Variants in NAALADL2 observed in about 807,000 individuals in gnomAD.
The protein encoded by NAALADL2 is N-acetylated alpha-linked acidic dipeptidase like 2, also known as inactive N-acetylated-alpha-linked acidic dipeptidase-like protein 2.
A neutral mutation model predicts 87.2 loss-of-function variants in NAALADL2; 76 were observed. That is an observed-to-expected ratio of 0.87 (90% CI 0.72 to 1.05). NAALADL2 has a LOEUF of 1.05. Ranked by LOEUF, NAALADL2 falls within the 50% of genes least tolerant of loss-of-function variation. The probability of loss-of-function intolerance (pLI) is 0.00; values close to 1 mark genes in which losing one functional copy is unlikely to be tolerated. For synonymous variants in NAALADL2, 354 were observed against 331.0 expected (o/e 1.07, Z -0.75); for missense variants, 1,089 against 945.8 (o/e 1.15, Z -1.99).
intron 1 of NAALADL2, among the ~76,000 whole-genome samples, chr3:174,869,227 C>A (rs1293935305): frequency 6.6e-6 from 1 of 152,078 alleles, no homozygotes; most frequent in Non-Finnish European, 1.5e-5. Context: ...TAGAGTATAA[C>A]TTTAAGAAGC....
At chr3:175,099,252 C>T (rs1290872660) in intron 2 of NAALADL2, among the ~76,000 whole-genome samples, 1 of 151,948 alleles carries the variant, frequency 6.6e-6, no homozygotes, top group Non-Finnish European at 1.5e-5. Context: ...AGAATGGAAG[C>T]TGCATGATGG....
At chr3:174,540,150 C>T (rs190216446) in intron 1 of NAALADL2, among the ~76,000 whole-genome samples, 1 of 151,958 alleles carries the variant, frequency 6.6e-6, no homozygotes, top group African/African-American at 2.4e-5. Context: ...AAGTGTTGAA[C>T]CAAAAGTTCA....
intron 1 of NAALADL2, among the ~76,000 whole-genome samples, chr3:174,485,418 A>T (rs541078080): frequency 7.4e-5 from 11 of 149,356 alleles, no homozygotes; most frequent in African/African-American, 2.0e-4. Flanking sequence ...AGTACCCATT[A>T]TTTTTTTTTT....
chr3:175,258,339 A>AAG (rs1553840033), intron 4 of NAALADL2, among the ~76,000 whole-genome samples: 2 of 151,218 alleles, frequency 1.3e-5, no homozygotes, highest in Non-Finnish European at 3.0e-5. Context: ...AAAAAAAAAA[A>AAG]AAAAGAAAGA....
rs150302762 is a variant in NAALADL2 at position 174,870,528 on chromosome 3, A to T, written c.43+11078A>T. On this transcript the variant is annotated intron_variant, in intron 1 of 13. Transcript: ENST00000454872. ...GGAAATATTTGAAGACATTTGGATAATCCGTGATTGACATTAGGGTTTGTG... is the reference window on the plus strand; with the variant it reads ...GGAAATATTTGAAGACATTTGGATATTCCGTGATTGACATTAGGGTTTGTG... Among the ~76,000 whole-genome samples, 309 of 152,228 alleles carry T rather than the reference A, an allele frequency of 2.0e-3. 3 individuals carry two copies. The highest frequency in any genetic ancestry group is 7.2e-3 in the African/African-American group (298 of 41,544).
chr3:174,970,908 A>T (rs1194632089), intron 1 of NAALADL2, among the ~76,000 whole-genome samples: 1 of 152,178 alleles, frequency 6.6e-6, no homozygotes, highest in East Asian at 1.9e-4. Context: ...GTGGCATTGT[A>T]TTAGTCTGTA....
intron 10 of NAALADL2, among the ~76,000 whole-genome samples, chr3:175,605,640 G>GTTTTTTTTTTTTTT (rs751433758): frequency 1.4e-4 from 5 of 36,658 alleles, no homozygotes; most frequent in South Asian, 1.3e-3. Context: ...TATATTGCTT[G>GTTTTTTTTTTTTTT]TTTTTTTTTT....
Position 175,746,319 on chromosome 3 carries a change from T to G in NAALADL2, c.1991-8901T>G, listed in dbSNP as rs568114348. ...TTTTTAGGTGTCACTTGGTTTGTTT[T>G]TTTTTTTTTTTAATCAATTGCAAAT... On this transcript the variant is annotated intron_variant, in intron 12 of 13. Transcript: ENST00000454872. 1.4e-4 allele frequency among the ~76,000 whole-genome samples: 21 copies of G among 151,648 alleles called. No homozygotes were observed. The East Asian group carries it at 2.9e-3, about 21-fold the overall frequency.
chr3:175,331,668 A>G (rs1021289086), intron 5 of NAALADL2, among the ~76,000 whole-genome samples: 3 of 152,202 alleles, frequency 2.0e-5, no homozygotes, highest in African/African-American at 7.2e-5. Context: ...AAATGGGGAA[A>G]AGCCTTTCTT....
chr3:175,776,755 T>A (rs1397758649), intron 13 of NAALADL2, among the ~76,000 whole-genome samples: 1 of 152,118 alleles, frequency 6.6e-6, no homozygotes, highest in East Asian at 1.9e-4. Flanking sequence ...GGGGCAGACA[T>A]TTAACAGAGA....
intron 1 of NAALADL2, among the ~76,000 whole-genome samples, chr3:175,078,603 C>T (rs943435945): frequency 2.0e-5 from 3 of 152,102 alleles, no homozygotes; most frequent in Non-Finnish European, 4.4e-5. Context: ...CTCCAGTTTT[C>T]CTGCCCCAGC....
intron 4 of NAALADL2, among the ~76,000 whole-genome samples, chr3:175,323,378 A>T (rs1260794892): frequency 1.3e-5 from 2 of 148,772 alleles, no homozygotes; most frequent in Admixed American, 1.3e-4. Flanking sequence ...TGGGAGATAT[A>T]TCTAATGCTA....
intron 2 of NAALADL2, among the ~76,000 whole-genome samples, chr3:174,580,754 G>A (rs1389387755): frequency 1.3e-5 from 2 of 152,102 alleles, no homozygotes; most frequent in Non-Finnish European, 2.9e-5. Context: ...TTTACCTGTT[G>A]AAGGAAATTT....
rs116947112 is a variant in NAALADL2, at chr3:175,611,022, A to G, written c.1801-16269A>G. 4.3e-4 allele frequency among the ~76,000 whole-genome samples: 65 copies of G among 152,246 alleles called. 1 individual carries two copies. Among genetic ancestry groups the G allele is most frequent in the African/African-American group, 1.1e-3 (47 of 41,562 alleles). The stretch of plus-strand genomic sequence containing the variant: ...GGTGAGAAACTGACTTCAGAGAGCT[A>G]AAGTGCATAATTAAAGTCAACAATG... On this transcript the variant is annotated intron_variant, in intron 10 of 13. Coordinates refer to ENST00000454872, the MANE Select transcript of NAALADL2 (RefSeq NM_207015.3).
intron 2 of NAALADL2, among the ~76,000 whole-genome samples, chr3:174,692,386 A>G (rs1728656647): frequency 6.6e-6 from 1 of 152,204 alleles, no homozygotes; most frequent in Admixed American, 6.5e-5. Flanking sequence ...TTATGGCTCA[A>G]GTGCATTAGT....
chr3:174,740,591 A>G (rs1733674906), intron 3 of NAALADL2, among the ~76,000 whole-genome samples: 2 of 151,926 alleles, frequency 1.3e-5, no homozygotes. Flanking sequence ...GAAAATTTTC[A>G]TAAAATACTC....
intron 13 of NAALADL2, among the ~76,000 whole-genome samples, chr3:175,794,852 G>C (rs954766567): frequency 2.0e-5 from 3 of 152,152 alleles, no homozygotes; most frequent in Non-Finnish European, 2.9e-5. Flanking sequence ...ACATACTATA[G>C]ACTGGGTGGC....
intron 2 of NAALADL2, among the ~76,000 whole-genome samples, chr3:175,149,885 C>T (rs1023329256): frequency 6.6e-6 from 1 of 152,112 alleles, no homozygotes; most frequent in African/African-American, 2.4e-5. Flanking sequence ...GACAAAGACT[C>T]TTGGAAGCGG....
intron 4 of NAALADL2, among the ~76,000 whole-genome samples, chr3:175,289,654 T>C (rs1755411311): frequency 6.6e-6 from 1 of 152,012 alleles, no homozygotes; most frequent in African/African-American, 2.4e-5. Flanking sequence ...GCTCTTAAAA[T>C]GACAACATTA....
Sources: gnomAD v4.1 joint callset for allele counts (sites outside exome capture counted in the v4.1 genomes callset) on GRCh38, gnomAD v4.1.1 for gene constraint, MANE v1.5 for transcripts, NCBI Gene and HGNC (gene_info 2026-07-23, HGNC 2026-07-21) for gene names.